NRG3: variants seen among roughly 807,000 people sequenced by gnomAD.
The protein encoded by NRG3 is pro-neuregulin-3, membrane-bound isoform.
Under a neutral mutation model 66.9 loss-of-function variants are expected in NRG3, and 31 were observed. The ratio of observed to expected loss-of-function variants is 0.46; its 90% CI spans 0.35 to 0.63. The LOEUF is 0.63. Ranked by LOEUF, NRG3 falls within the 20% of genes least tolerant of loss-of-function variation. The probability of loss-of-function intolerance (pLI) is 0.00; values close to 1 mark genes in which losing one functional copy is unlikely to be tolerated. For missense variants in NRG3, 910 were observed against 878.9 expected (o/e 1.04, Z -0.45); for synonymous variants, 393 against 359.4 (o/e 1.09, Z -1.06).
At chr10:82,231,910 TA>T (rs1246555378) in intron 1 of NRG3, among the ~76,000 whole-genome samples, 2 of 152,216 alleles carry the variant, frequency 1.3e-5, no homozygotes, top group Non-Finnish European at 1.5e-5. Context: ...TAAGAACATT[TA>T]AAAAATATCT....
intron 4 of NRG3, among the ~76,000 whole-genome samples, chr10:82,925,906 G>A (rs1006365648): frequency 2.6e-5 from 4 of 152,186 alleles, no homozygotes; most frequent in African/African-American, 7.2e-5. Context: ...TGCAACTAGC[G>A]ATGGCAAGGC....
intron 1 of NRG3, among the ~76,000 whole-genome samples, chr10:81,912,135 T>C (rs536400472): frequency 7.9e-5 from 12 of 152,338 alleles, no homozygotes; most frequent in Admixed American, 7.8e-4. Flanking sequence ...TTTTACTTTT[T>C]GTATTTTATT....
intron 1 of NRG3, among the ~76,000 whole-genome samples, chr10:81,888,470 G>A (rs1842782755): frequency 6.6e-6 from 1 of 152,146 alleles, no homozygotes; most frequent in Non-Finnish European, 1.5e-5. Context: ...GAGAAGATCA[G>A]AAGATATGCA....
intron 1 of NRG3, among the ~76,000 whole-genome samples, chr10:82,323,473 G>A (rs1188006480): frequency 6.6e-6 from 1 of 150,410 alleles, no homozygotes; most frequent in Non-Finnish European, 1.5e-5. Flanking sequence ...ACCTCACTTG[G>A]CCATGACATA....
chr10:82,019,563 G>C (rs2061961275), intron 1 of NRG3, among the ~76,000 whole-genome samples: 1 of 152,084 alleles, frequency 6.6e-6, no homozygotes, highest in African/African-American at 2.4e-5. Context: ...AATCCATCTG[G>C]TCCTGGAATT....
chr10:82,794,175 A>G (rs2060702379), intron 3 of NRG3, among the ~76,000 whole-genome samples: 1 of 152,130 alleles, frequency 6.6e-6, no homozygotes, highest in Non-Finnish European at 1.5e-5. Flanking sequence ...GCCTCAGATA[A>G]TAAATTAAAT....
intron 3 of NRG3, among the ~76,000 whole-genome samples, chr10:82,772,615 A>G (rs1035642084): frequency 1.3e-5 from 2 of 151,264 alleles, no homozygotes; most frequent in Admixed American, 6.6e-5. Flanking sequence ...TTCACTTAAC[A>G]TAAGGTCTTC....
At chr10:82,555,829 AAAAG>A (rs370484527) in intron 2 of NRG3, among the ~76,000 whole-genome samples, 4 of 152,244 alleles carry the variant, frequency 2.6e-5, no homozygotes, top group African/African-American at 9.6e-5. Context: ...TCATTTTTGA[AAAAG>A]AAAGAAAAAT....
chr10:82,336,243 T>G (rs1027435969), intron 1 of NRG3, among the ~76,000 whole-genome samples: 2 of 151,718 alleles, frequency 1.3e-5, no homozygotes, highest in Admixed American at 6.6e-5. Context: ...AAAGGAGATA[T>G]GGAGTGCAGT....
At chr10:82,959,871 A>T (rs1211805015) in intron 6 of NRG3, among the ~76,000 whole-genome samples, 1 of 152,242 alleles carries the variant, frequency 6.6e-6, no homozygotes, top group Non-Finnish European at 1.5e-5. Flanking sequence ...GCAAAACACT[A>T]AATTAAAGCA....
intron 1 of NRG3, among the ~76,000 whole-genome samples, chr10:81,933,190 C>G (rs1016876657): frequency 2.6e-5 from 4 of 151,482 alleles, no homozygotes; most frequent in East Asian, 1.9e-4. Flanking sequence ...GAAAGAGGAT[C>G]AAGCCTCTAA....
intron 2 of NRG3, among the ~76,000 whole-genome samples, chr10:82,527,318 AAAAAAT>A (rs1446239902): frequency 1.5e-5 from 2 of 130,350 alleles, no homozygotes; most frequent in Non-Finnish European, 3.1e-5. Context: ...AAATTAAAAA[AAAAAAT>A]ATTAGTAAAT....
chr10:82,521,618 G>T (rs888659076), intron 2 of NRG3, among the ~76,000 whole-genome samples: 1 of 151,988 alleles, frequency 6.6e-6, no homozygotes, highest in African/African-American at 2.4e-5. Flanking sequence ...GGGATTACAG[G>T]CATGGCCACC....
At chr10:82,667,776 A>C (rs965389164) in intron 2 of NRG3, among the ~76,000 whole-genome samples, 2 of 152,180 alleles carry the variant, frequency 1.3e-5, no homozygotes, top group African/African-American at 4.8e-5. Flanking sequence ...AGACTTCATG[A>C]TTCTGCTAGT....
At chr10:82,236,966 T>G (rs1008607925) in intron 1 of NRG3, among the ~76,000 whole-genome samples, 3 of 152,064 alleles carry the variant, frequency 2.0e-5, no homozygotes, top group Non-Finnish European at 4.4e-5. Context: ...CCGCCCACCT[T>G]GGCCTCCCAA....
At chr10:82,487,441 G>A (rs1842774022) in intron 2 of NRG3, among the ~76,000 whole-genome samples, 1 of 151,980 alleles carries the variant, frequency 6.6e-6, no homozygotes, top group South Asian at 2.1e-4. Flanking sequence ...ACTATTCTGT[G>A]AACCACCTGA....
intron 1 of NRG3, among the ~76,000 whole-genome samples, chr10:82,174,254 AATTTCAAG>A (rs1193269845): frequency 6.6e-6 from 1 of 152,164 alleles, no homozygotes; most frequent in Non-Finnish European, 1.5e-5. Context: ...AACCTTGAGT[AATTTCAAG>A]GTTGAAATTA....
chr10:81,902,985 A>C (rs1844225824), intron 1 of NRG3, among the ~76,000 whole-genome samples: 1 of 151,866 alleles, frequency 6.6e-6, no homozygotes, highest in South Asian at 2.1e-4. Context: ...GACAGGTACT[A>C]TTATCTCCAT....
At position 82,651,990 on chromosome 10, in the gene NRG3, A is replaced by C. The variant is rs532278188; in HGVS notation, c.954-86587A>C. 8.5e-5 allele frequency among the ~76,000 whole-genome samples: 13 copies of C among 152,280 alleles called. 1 individual carries two copies. The South Asian group carries it at 2.7e-3, about 32-fold the overall frequency. On this transcript the variant is annotated intron_variant, in intron 2 of 8. Transcript: ENST00000372141. ...CTTGACTCCTTGTGGGAGGAAGCAC[A>C]CAAGTGAGTGAGGCAGGAACTGGAG...
Sources: gnomAD v4.1 joint callset for allele counts (sites outside exome capture counted in the v4.1 genomes callset) on GRCh38, gnomAD v4.1.1 for gene constraint, MANE v1.5 for transcripts, NCBI Gene and HGNC (gene_info 2026-07-23, HGNC 2026-07-21) for gene names.